Variants in SOX13 observed in about 807,000 individuals in gnomAD.
The protein encoded by SOX13 is SRY-box transcription factor 13.
SOX13 carries 28 observed loss-of-function variants against 71.8 expected under a neutral mutation model. That is an observed-to-expected ratio of 0.39 (90% CI 0.29 to 0.53). The LOEUF (loss-of-function observed/expected upper bound fraction) is 0.53, where lower values mean the gene tolerates loss of function less well. Among genes scored for constraint, SOX13 ranks in the 20% least tolerant of loss-of-function variants. The probability of loss-of-function intolerance (pLI) is 0.70; values close to 1 mark genes in which losing one functional copy is unlikely to be tolerated. For missense variants in SOX13, 627 were observed against 810.3 expected (o/e 0.77, Z 2.75); for synonymous variants, 309 against 317.8 (o/e 0.97, Z 0.29).
intron 1 of SOX13, among the ~76,000 whole-genome samples, chr1:204,105,652 C>T (rs546362817): frequency 3.9e-5 from 6 of 152,170 alleles, no homozygotes; most frequent in African/African-American, 7.2e-5. Flanking sequence ...GTGATCAACC[C>T]GCCTCAGCCT....
intron 1 of SOX13, among the ~76,000 whole-genome samples, chr1:204,077,407 G>A (rs938146998): frequency 6.6e-6 from 1 of 152,158 alleles, no homozygotes; most frequent in Non-Finnish European, 1.5e-5. Context: ...CCAAGGGAGG[G>A]AAATGGTGGC....
At chr1:204,087,084 C>G (rs111260914) in intron 1 of SOX13, among the ~76,000 whole-genome samples, 5 of 151,994 alleles carry the variant, frequency 3.3e-5, no homozygotes, top group Non-Finnish European at 7.4e-5. Flanking sequence ...CCACCAGGCC[C>G]GGCTAATTTT....
At chr1:204,083,913 C>A (rs1655961344) in intron 1 of SOX13, among the ~76,000 whole-genome samples, 1 of 152,090 alleles carries the variant, frequency 6.6e-6, no homozygotes, top group African/African-American at 2.4e-5. Context: ...ACGAAAAGTT[C>A]CCTGAAAGAC....
At chr1:204,115,041 T>C (rs1301595841) in intron 4 of SOX13, among the ~76,000 whole-genome samples, 1 of 151,392 alleles carries the variant, frequency 6.6e-6, no homozygotes, top group African/African-American at 2.4e-5. Flanking sequence ...AGATACAGTC[T>C]CCCTGTGTCG....
rs35841451 is a variant in SOX13, at chr1:204,105,413, C to CTT, written c.-1-7493_-1-7492dup. ...GAAGGCCTCTGACTCTGTATAATCTCTTTTTTTTTTGAGACAGAGTCTCCC... is the reference window on the plus strand; with the variant it reads ...GAAGGCCTCTGACTCTGTATAATCTCTTTTTTTTTTTTGAGACAGAGTCTCCC... On this transcript the variant is annotated intron_variant, in intron 1 of 13. Coordinates refer to ENST00000367204, the MANE Select transcript of SOX13 (RefSeq NM_005686.3). Among the ~76,000 whole-genome samples, 278 of 137,982 alleles carry CTT rather than the reference C, an allele frequency of 2.0e-3. 5 individuals are homozygous for CTT. The highest frequency in any genetic ancestry group is 0.014 in the East Asian group (69 of 4,846). The allele number at this position is 137,982 out of a possible 152,430, so 90.5% of individuals were successfully genotyped here. A position where few individuals can be genotyped will look rare whatever the true frequency, so the allele number is the denominator to read the frequency against.
In SOX13 at chr1:204,113,154, C is replaced by G; in HGVS notation, c.219+20C>G. On this transcript the variant is annotated intron_variant, in intron 2 of 13. Coordinates refer to ENST00000367204, the MANE Select transcript of SOX13 (RefSeq NM_005686.3). ...TCCTGGGTCAGTGTCCCCGCCCTGC[C>G]TCCATCCTCACACCCATGCGCTGTA... The G allele has an allele frequency of 6.6e-7, 1 of 1,511,640 alleles. No individual in the cohort carries two copies. Among genetic ancestry groups the G allele is most frequent in the Non-Finnish European group, 8.9e-7 (1 of 1,125,294 alleles). The allele number at this position is 1,511,640 out of a possible 1,614,324, so 93.6% of individuals were successfully genotyped here.
At chr1:204,101,201 C>T (rs945050965) in intron 1 of SOX13, among the ~76,000 whole-genome samples, 2 of 152,144 alleles carry the variant, frequency 1.3e-5, no homozygotes, top group African/African-American at 4.8e-5. Context: ...CCATCTGGAT[C>T]GTGGACCCAT....
chr1:204,124,891 T>C, intron 13 of SOX13, 34 bp downstream of exon 13: 2 of 1,437,868 alleles, frequency 1.4e-6, no homozygotes, highest in Non-Finnish European at 1.9e-6. Context: ...GCCAGGAGAC[T>C]GTGTGTACAT....
intron 1 of SOX13, among the ~76,000 whole-genome samples, chr1:204,102,247 T>C (rs982112093): frequency 6.6e-6 from 1 of 152,254 alleles, no homozygotes; most frequent in Non-Finnish European, 1.5e-5. Context: ...CATGGCTGTT[T>C]GCAGACTAGT....
At chr1:204,112,657 G>A (rs1032970507) in intron 1 of SOX13, among the ~76,000 whole-genome samples, 3 of 152,110 alleles carry the variant, frequency 2.0e-5, no homozygotes, top group Non-Finnish European at 2.9e-5. Context: ...CAGCTGCTGC[G>A]CAAGGGTAGG....
chr1:204,123,027 C>CA lies in SOX13; in HGVS notation c.1134+65dup. ...AGATGGTGGCCAGGAGTGGAAGACA[C>CA]AGTCTGAGGCCACCAAGAGAGGAGC... On this transcript the variant is annotated intron_variant, in intron 10 of 13. Transcript: ENST00000367204. This position sits in a 1 kb window ranked among gnomAD's most constrained non-coding sequence, Gnocchi z 5.0. 6.7e-7 allele frequency: 1 copy of CA among 1,498,422 alleles called. No homozygotes were observed. The highest frequency in any genetic ancestry group is 1.7e-4 in the Middle Eastern group (1 of 5,810). 92.8% of individuals were successfully genotyped at this position (1,498,422 alleles called of 1,614,324 possible).
At chr1:204,075,528 G>A (rs1655769926) in intron 1 of SOX13, among the ~76,000 whole-genome samples, 1 of 152,252 alleles carries the variant, frequency 6.6e-6, no homozygotes, top group Admixed American at 6.5e-5. Flanking sequence ...AATGGGCAGA[G>A]TTATGCACCC....
intron 2 of SOX13, among the ~76,000 whole-genome samples, chr1:204,114,061 T>TTTCAGG (rs1462144467): frequency 6.6e-6 from 1 of 152,224 alleles, no homozygotes; most frequent in Non-Finnish European, 1.5e-5. Flanking sequence ...GTTCAGAGCA[T>TTTCAGG]TTCAGGGACT....
chr1:204,090,107 TC>T (rs1053873412), intron 1 of SOX13, among the ~76,000 whole-genome samples: 5 of 152,064 alleles, frequency 3.3e-5, no homozygotes, highest in Non-Finnish European at 5.9e-5. Context: ...GTTTTTTGCA[TC>T]CCAGCCACAT....
At chr1:204,105,792 T>A (rs1656458930) in intron 1 of SOX13, among the ~76,000 whole-genome samples, 1 of 152,174 alleles carries the variant, frequency 6.6e-6, no homozygotes, top group South Asian at 2.1e-4. Flanking sequence ...GTGTTGAGGT[T>A]GGGCAAGAGA....
At chr1:204,115,485 TTTTTTTTAAAAAAAAAAA>T (rs1656670066) in intron 4 of SOX13, among the ~76,000 whole-genome samples, 1 of 117,702 alleles carries the variant, frequency 8.5e-6, no homozygotes, top group Non-Finnish European at 1.8e-5. Context: ...GTTTTTTTTT[TTTTTTTTAAAAAAAAAAA>T]AAAAAAAAAA....
At chr1:204,116,150 C>T (rs1571589802) in intron 4 of SOX13, 1 of 1,235,562 alleles carries the variant, frequency 8.1e-7, no homozygotes, top group South Asian at 1.5e-5. Flanking sequence ...GAGTGTGTCC[C>T]ACTGGATCCC....
intron 4 of SOX13, among the ~76,000 whole-genome samples, chr1:204,115,600 G>T (rs985680505): frequency 2.1e-5 from 3 of 145,926 alleles, no homozygotes; most frequent in African/African-American, 7.5e-5. Context: ...TTTATTGGTT[G>T]AGGACCATGT....
At position 204,123,654 on chromosome 1, in the gene SOX13, C is replaced by A. The variant is rs1298183269; in HGVS notation, c.1232-7C>A. 1.2e-6 allele frequency: 2 copies of A among 1,612,096 alleles called. No homozygotes were observed. Among genetic ancestry groups the A allele is most frequent in the African/African-American group, 1.3e-5 (1 of 75,006 alleles). ...GCTGCTTGGCTGACTTCACTCCTGT[C>A]TCCCAGGCTCCCGCCACTTCCCCGA... On this transcript the variant is annotated splice_polypyrimidine_tract_variant and splice_region_variant and intron_variant, in intron 11 of 13. Transcript: ENST00000367204. The surrounding 1 kb of genome is among the most constrained non-coding windows in gnomAD (Gnocchi z 5.0).
Sources: gnomAD v4.1 joint callset for allele counts (sites outside exome capture counted in the v4.1 genomes callset) on GRCh38, gnomAD v4.1.1 for gene constraint, Gnocchi (gnomAD v3.1) non-coding constraint, MANE v1.5 for transcripts, NCBI Gene and HGNC (gene_info 2026-07-23, HGNC 2026-07-21) for gene names.